FTO: variants seen among roughly 807,000 people sequenced by gnomAD.
The protein encoded by FTO is alpha-ketoglutarate-dependent dioxygenase FTO.
Under a neutral mutation model 63.9 loss-of-function variants are expected in FTO, and 47 were observed. That is an observed-to-expected ratio of 0.74 (90% CI 0.58 to 0.94). The LOEUF (loss-of-function observed/expected upper bound fraction) is 0.94, where lower values mean the gene tolerates loss of function less well. Among genes scored for constraint, FTO ranks in the 40% least tolerant of loss-of-function variants. The pLI is 0.00. For missense variants in FTO, 562 were observed against 618.1 expected (o/e 0.91, Z 0.96); for synonymous variants, 207 against 224.4 (o/e 0.92, Z 0.69).
rs987511034 is a variant in FTO, at chr16:53,777,298, A to T, written c.46-32842A>T. 7.2e-5 allele frequency among the ~76,000 whole-genome samples: 11 copies of T among 152,068 alleles called. No homozygotes were observed. The South Asian group carries it at 1.9e-3, about 26-fold the overall frequency. On this transcript the variant is annotated intron_variant, in intron 1 of 8. Transcript: ENST00000471389. ...CTTTTTTAGATTCCATATTTTAGGG[A>T]GATCTGTACCTGGCTTATTTCACTT...
At chr16:53,892,981 C>G (rs1304988025) in intron 7 of FTO, among the ~76,000 whole-genome samples, 1 of 152,214 alleles carries the variant, frequency 6.6e-6, no homozygotes, top group African/African-American at 2.4e-5. Context: ...TCCTCCACTT[C>G]CCATTTCCTG....
At chr16:53,839,806 TATTTATTTATTTA>T (rs1221699806) in intron 3 of FTO, among the ~76,000 whole-genome samples, 10,854 of 111,150 alleles carry the variant, frequency 0.098, 766 homozygotes, top group African/African-American at 0.2. Context: ...TTTATTTATT[TATTTATTTATTTA>T]TTTTAAGGTG....
chr16:53,773,183 T>TTTC (rs2077381398), intron 1 of FTO, among the ~76,000 whole-genome samples: 2 of 151,900 alleles, frequency 1.3e-5, no homozygotes, highest in Admixed American at 1.3e-4. Flanking sequence ...AAGAATAAAA[T>TTTC]ATATGTATGC....
At chr16:54,056,485 G>A (rs761334166) in intron 8 of FTO, among the ~76,000 whole-genome samples, 1 of 152,202 alleles carries the variant, frequency 6.6e-6, no homozygotes, top group Admixed American at 6.5e-5. Flanking sequence ...CCCTGTCAGT[G>A]TGGGCTGACG....
At chr16:54,041,143 GCTAT>G (rs1199880076) in intron 8 of FTO, among the ~76,000 whole-genome samples, 5 of 152,160 alleles carry the variant, frequency 3.3e-5, no homozygotes, top group Admixed American at 1.3e-4. Context: ...CTGTAAAGAT[GCTAT>G]CTGAGACTGA....
chr16:53,964,613 T>C (rs948865949), intron 8 of FTO, among the ~76,000 whole-genome samples: 2 of 152,204 alleles, frequency 1.3e-5, no homozygotes, highest in Admixed American at 1.3e-4. Context: ...TTGGTTGCCT[T>C]CCCAGACTTC....
chr16:53,780,315 G>C (rs2077556600), intron 1 of FTO, among the ~76,000 whole-genome samples: 1 of 152,124 alleles, frequency 6.6e-6, no homozygotes, highest in South Asian at 2.1e-4. Context: ...TCTCTCCCCA[G>C]ATCTTTAGTC....
intron 8 of FTO, chr16:54,070,130 G>A (rs1425582530): frequency 1.3e-5 from 2 of 151,838 alleles, no homozygotes; most frequent in African/African-American, 2.4e-5. Flanking sequence ...TACTGGCATC[G>A]GGCATCTGTA....
intron 8 of FTO, among the ~76,000 whole-genome samples, chr16:53,955,262 T>C (rs1376063430): frequency 6.6e-6 from 1 of 152,224 alleles, no homozygotes; most frequent in Non-Finnish European, 1.5e-5. Flanking sequence ...GAACTGGGTA[T>C]ACAAGAGTGA....
intron 3 of FTO, among the ~76,000 whole-genome samples, chr16:53,838,661 T>G (rs1598790964): frequency 1.3e-5 from 2 of 151,824 alleles, no homozygotes; most frequent in African/African-American, 4.8e-5. Flanking sequence ...AAGTAGAGAA[T>G]AAGAAATAGG....
At chr16:53,860,540 C>T (rs2080141095) in intron 4 of FTO, among the ~76,000 whole-genome samples, 1 of 152,114 alleles carries the variant, frequency 6.6e-6, no homozygotes, top group African/African-American at 2.4e-5. Context: ...AGGGAGGCCT[C>T]ATAAAATTAT....
intron 8 of FTO, among the ~76,000 whole-genome samples, chr16:54,011,518 G>A (rs562861234): frequency 1.1e-3 from 172 of 152,220 alleles, no homozygotes; most frequent in African/African-American, 3.9e-3. Context: ...GGCATACCTC[G>A]TTTTACTGGG....
intron 2 of FTO, among the ~76,000 whole-genome samples, chr16:53,821,558 T>A (rs2078866402): frequency 2.6e-5 from 4 of 152,292 alleles, no homozygotes; most frequent in South Asian, 2.1e-4. Context: ...CCTTAATGGA[T>A]CCCTGACAAT....
At chr16:54,078,467 T>G (rs1285663447) in intron 8 of FTO, among the ~76,000 whole-genome samples, 1 of 150,694 alleles carries the variant, frequency 6.6e-6, no homozygotes, top group East Asian at 1.9e-4. Flanking sequence ...TTTAGTAACA[T>G]ATCCCTTACT....
intron 1 of FTO, among the ~76,000 whole-genome samples, chr16:53,772,574 GC>G (rs1159640054): frequency 6.6e-6 from 1 of 152,026 alleles, no homozygotes; most frequent in Non-Finnish European, 1.5e-5. Flanking sequence ...CAGTAACTAG[GC>G]TTTGTTTGTG....
At chr16:54,084,716 A>T (rs2086222701) in intron 8 of FTO, among the ~76,000 whole-genome samples, 1 of 152,132 alleles carries the variant, frequency 6.6e-6, no homozygotes, top group African/African-American at 2.4e-5. Context: ...ATACAGGGAG[A>T]AGCCATTTGT....
In FTO at chr16:53,826,060, A is replaced by G; in HGVS notation, c.320A>G (p.Lys107Arg). 6.2e-7 allele frequency: 1 copy of G among 1,614,120 alleles called. No individual in the cohort carries two copies. Among genetic ancestry groups the G allele is most frequent in the Non-Finnish European group, 8.5e-7 (1 of 1,180,022 alleles). ...ILIGNPGCTY[K>R]YLNTRLFTVP... ...ATTGGTAATCCAGGCTGCACCTACAAGTACCTGAACACCAGGCTCTTTACG... is the reference window on the plus strand; with the variant it reads ...ATTGGTAATCCAGGCTGCACCTACAGGTACCTGAACACCAGGCTCTTTACG... Residue 107 changes from lysine (K) to arginine (R), a missense_variant, in exon 3 of 9, where the codon AAG becomes AGG. Transcript: ENST00000471389.
At chr16:54,075,181 C>T (rs2085963681) in intron 8 of FTO, among the ~76,000 whole-genome samples, 1 of 151,698 alleles carries the variant, frequency 6.6e-6, no homozygotes, top group Admixed American at 6.6e-5. Context: ...GAATTGTGGC[C>T]CTTTTTCATA....
At position 53,839,498 on chromosome 16, in the gene FTO, CTA is replaced by C. The variant is rs1404750171; in HGVS notation, c.752-4655_752-4654del. Among the ~76,000 whole-genome samples the C allele has an allele frequency of 1.1e-4, 16 of 152,170 alleles. 1 individual carries two copies. Among genetic ancestry groups the C allele is most frequent in the African/African-American group, 3.9e-4 (16 of 41,444 alleles). ...AAGGAGGGGAAAAACTCTCACCAAA[CTA>C]TCATTTTACTGAGCAGATTTCAAAG... On this transcript the variant is annotated intron_variant, in intron 3 of 8. Coordinates refer to ENST00000471389, the MANE Select transcript of FTO (RefSeq NM_001080432.3).
Sources: allele counts gnomAD v4.1 joint callset (sites outside exome capture counted in the v4.1 genomes callset), GRCh38; gene constraint gnomAD v4.1.1; transcripts MANE v1.5; gene names NCBI Gene and HGNC (gene_info 2026-07-23, HGNC 2026-07-21).